ATG7: variants seen among roughly 807,000 people sequenced by gnomAD.
ATG7 encodes autophagy related 7.
Under a neutral mutation model 82.4 loss-of-function variants are expected in ATG7, and 70 were observed. The observed-to-expected ratio is 0.85, with a 90% confidence interval of 0.70 to 1.04. The LOEUF (loss-of-function observed/expected upper bound fraction) is 1.04, where lower values mean the gene tolerates loss of function less well. Ranked by LOEUF, ATG7 falls within the 50% of genes least tolerant of loss-of-function variation. The probability of loss-of-function intolerance (pLI) is 0.00; values close to 1 mark genes in which losing one functional copy is unlikely to be tolerated. For missense variants in ATG7, 792 were observed against 864.3 expected, an observed-to-expected ratio of 0.92 and a Z score of 1.05; for synonymous variants, 287 against 313.0, an observed-to-expected ratio of 0.92 and a Z score of 0.88.
At chr3:11,573,538 A>T in the ATG7 span, among the ~76,000 whole-genome samples, 1 of 152,150 alleles carries the variant, frequency 6.6e-6, no homozygotes, top group Non-Finnish European at 1.5e-5. Context: ...CAAGGCAGCC[A>T]TCCACTTTGC....
intron 20 of ATG7, among the ~76,000 whole-genome samples, chr3:11,472,385 C>T (rs1452398940): frequency 2.0e-5 from 3 of 152,122 alleles, no homozygotes; most frequent in Non-Finnish European, 2.9e-5. Flanking sequence ...ATGGCACTAG[C>T]TAATGTCCTG....
At chr3:11,524,826 TTC>T (rs1397036351) in intron 20 of ATG7, among the ~76,000 whole-genome samples, 1 of 151,928 alleles carries the variant, frequency 6.6e-6, no homozygotes. Flanking sequence ...AAAACAGGCA[TTC>T]TGAGTCGATA....
intron 20 of ATG7, among the ~76,000 whole-genome samples, chr3:11,480,216 C>T (rs1294421224): frequency 2.0e-5 from 3 of 152,102 alleles, no homozygotes; most frequent in African/African-American, 7.2e-5. Context: ...CAGGCATGAG[C>T]CACCGCACCC....
At chr3:11,295,465 A>ACTAAC (rs1476234833) in intron 3 of ATG7, among the ~76,000 whole-genome samples, 1 of 152,172 alleles carries the variant, frequency 6.6e-6, no homozygotes, top group Non-Finnish European at 1.5e-5. Flanking sequence ...CCAGTGGCAG[A>ACTAAC]CTAACCTGCC....
At chr3:11,560,048 T>A (rs565072800), downstream of ATG7, among the ~76,000 whole-genome samples, 21 of 151,660 alleles carry the variant, frequency 1.4e-4, no homozygotes, top group South Asian at 4.4e-3. Flanking sequence ...AGCCTCACTC[T>A]CTCCTTCACC....
intron 19 of ATG7, among the ~76,000 whole-genome samples, chr3:11,391,784 T>C (rs373898774): frequency 1.3e-5 from 2 of 152,284 alleles, no homozygotes; most frequent in South Asian, 4.1e-4. Flanking sequence ...CAGTGTCTTA[T>C]GAATTGGCTA....
chr3:11,485,604 G>A (rs2153038730), intron 20 of ATG7, among the ~76,000 whole-genome samples: 1 of 152,312 alleles, frequency 6.6e-6, no homozygotes, highest in South Asian at 2.1e-4. Flanking sequence ...TTTTAGACAT[G>A]AAGTTCTTGC....
chr3:11,491,494 G>C (rs942370755), intron 20 of ATG7, among the ~76,000 whole-genome samples: 2 of 152,326 alleles, frequency 1.3e-5, no homozygotes, highest in African/African-American at 4.8e-5. Context: ...TCTCCGTCCA[G>C]CTTTGTTCCA....
intron 20 of ATG7, among the ~76,000 whole-genome samples, chr3:11,532,415 C>T (rs1384124975): frequency 6.6e-6 from 1 of 152,112 alleles, no homozygotes; most frequent in Non-Finnish European, 1.5e-5. Context: ...GAGATGGAAT[C>T]AGTGGTGAGG....
At chr3:11,552,407 T>G (rs2071889217) in intron 20 of ATG7, among the ~76,000 whole-genome samples, 1 of 152,198 alleles carries the variant, frequency 6.6e-6, no homozygotes, top group African/African-American at 2.4e-5. Flanking sequence ...AAGAGGACAT[T>G]CACTGTGCCC....
chr3:11,392,706 T>G (rs966355112), intron 19 of ATG7, among the ~76,000 whole-genome samples: 1 of 152,082 alleles, frequency 6.6e-6, no homozygotes, highest in African/African-American at 2.4e-5. Flanking sequence ...TATTCCGGCT[T>G]TGAGGTTATG....
At position 11,299,621 on chromosome 3, in the gene ATG7, A is replaced by G. The variant is rs929885444; in HGVS notation, c.215+205A>G. ...CTGCCTGGTTAATTTTTCACCACCTATTTATCAGAGTCAATTAGGTGCCAG... is the reference window on the plus strand; with the variant it reads ...CTGCCTGGTTAATTTTTCACCACCTGTTTATCAGAGTCAATTAGGTGCCAG... On this transcript the variant is annotated intron_variant, in intron 5 of 20. Coordinates refer to ENST00000693202, the MANE Select transcript of ATG7 (RefSeq NM_001349232.2). Among the ~76,000 whole-genome samples the G allele has an allele frequency of 2.0e-5, 3 of 152,220 alleles. No homozygotes were observed. The South Asian group carries it at 6.2e-4, about 32-fold the overall frequency.
At chr3:11,304,567 T>A (rs1252325727) in intron 5 of ATG7, 1 of 152,144 alleles carries the variant, frequency 6.6e-6, no homozygotes, top group Admixed American at 6.5e-5. Flanking sequence ...TGAGCACAGG[T>A]GCTCTTCCAG....
chr3:11,453,385 A>G (rs913233927), intron 20 of ATG7, among the ~76,000 whole-genome samples: 4 of 152,252 alleles, frequency 2.6e-5, no homozygotes, highest in East Asian at 3.8e-4. Flanking sequence ...TCAGAGGGAT[A>G]AAAGGATATG....
At chr3:11,528,889 C>T (rs971650183) in intron 20 of ATG7, among the ~76,000 whole-genome samples, 16 of 150,102 alleles carry the variant, frequency 1.1e-4, no homozygotes, top group Non-Finnish European at 1.9e-4. Context: ...TTCAGGGACA[C>T]AGCAGAAGAT....
chr3:11,440,560 G>A (rs1186769005), intron 20 of ATG7, among the ~76,000 whole-genome samples: 3 of 150,016 alleles, frequency 2.0e-5, no homozygotes, highest in African/African-American at 4.9e-5. Context: ...TCCTGACCTC[G>A]TGATCCGCCC....
At chr3:11,339,102 C>T (rs1953036553) in intron 11 of ATG7, among the ~76,000 whole-genome samples, 1 of 151,938 alleles carries the variant, frequency 6.6e-6, no homozygotes, top group Non-Finnish European at 1.5e-5. Flanking sequence ...CAAGACCATC[C>T]TGGCTAACAC....
chr3:11,463,253 A>G (rs1323783676), intron 20 of ATG7, among the ~76,000 whole-genome samples: 1 of 152,178 alleles, frequency 6.6e-6, no homozygotes, highest in Non-Finnish European at 1.5e-5. Context: ...TTCAGCTTGC[A>G]GCAGAAAATT....
rs557907043 is a variant in ATG7 at position 11,393,843 on chromosome 3, G to C, written c.1956+13791G>C. 1.7e-3 allele frequency among the ~76,000 whole-genome samples: 263 copies of C among 152,194 alleles called. 2 individuals are homozygous for C. The highest frequency in any genetic ancestry group is 6.0e-3 in the African/African-American group (250 of 41,522). ...ATACTGGTGCATGCCACCACACCAGGCTAATTGTTGTATATTTTGTAGAGA... is the reference window on the plus strand; with the variant it reads ...ATACTGGTGCATGCCACCACACCAGCCTAATTGTTGTATATTTTGTAGAGA... On this transcript the variant is annotated intron_variant, in intron 19 of 20. Coordinates refer to ENST00000693202, the MANE Select transcript of ATG7 (RefSeq NM_001349232.2).
Sources: gnomAD v4.1 joint callset for allele counts (sites outside exome capture counted in the v4.1 genomes callset) on GRCh38, gnomAD v4.1.1 for gene constraint, MANE v1.5 for transcripts, NCBI Gene and HGNC (gene_info 2026-07-23, HGNC 2026-07-21) for gene names.